The following ZNF131 variants were observed in gnomAD, a reference collection of about 807,000 sequenced individuals.
ZNF131 encodes the protein zinc finger protein 131.
Under a neutral mutation model 60.0 loss-of-function variants are expected in ZNF131, and 7 were observed. The ratio of observed to expected loss-of-function variants is 0.12; its 90% CI spans 0.07 to 0.22. ZNF131 has a LOEUF of 0.22. Among genes scored for constraint, ZNF131 ranks in the 10% least tolerant of loss-of-function variants. The pLI is 1.00. For synonymous variants in ZNF131, 257 were observed against 253.2 expected, an observed-to-expected ratio of 1.01 and a Z score of -0.14; for missense variants, 493 against 740.9, an observed-to-expected ratio of 0.67 and a Z score of 3.88.
chr5:43,156,763 G>A (rs1399230920), intron 4 of ZNF131, among the ~76,000 whole-genome samples: 2 of 152,140 alleles, frequency 1.3e-5, no homozygotes, highest in African/African-American at 2.4e-5. Context: ...TTGGCCAGGC[G>A]CAGTGGCTCA....
intron 4 of ZNF131, among the ~76,000 whole-genome samples, chr5:43,150,768 ACT>A (rs1375322006): frequency 3.3e-5 from 5 of 151,336 alleles, no homozygotes; most frequent in African/African-American, 7.3e-5. Context: ...CAAGAGTGAA[ACT>A]CTGTCCCAAA....
chr5:43,137,437 A>G (rs964330773), intron 3 of ZNF131, among the ~76,000 whole-genome samples: 13 of 152,212 alleles, frequency 8.5e-5, no homozygotes, highest in African/African-American at 3.1e-4. Context: ...TAAATGTGCT[A>G]AGAACTTGAA....
chr5:43,138,788 C>T (rs1034803204), intron 3 of ZNF131, among the ~76,000 whole-genome samples: 3 of 152,122 alleles, frequency 2.0e-5, no homozygotes, highest in Non-Finnish European at 4.4e-5. Flanking sequence ...GAAATAAAGT[C>T]AGAGAGGTAC....
intron 3 of ZNF131, among the ~76,000 whole-genome samples, chr5:43,137,190 A>G (rs1040655447): frequency 6.6e-6 from 1 of 152,226 alleles, no homozygotes; most frequent in African/African-American, 2.4e-5. Context: ...ACAGCCAACA[A>G]CAGAAAATAA....
At chr5:43,139,657 T>A (rs1328017625) in intron 4 of ZNF131, among the ~76,000 whole-genome samples, 1 of 152,204 alleles carries the variant, frequency 6.6e-6, no homozygotes, top group Non-Finnish European at 1.5e-5. Flanking sequence ...TTACAAAGAT[T>A]AACATAATAC....
rs1432390678 is a variant in ZNF131, at chr5:43,122,144, G to A, written c.91G>A (p.Asp31Asn). 1.9e-6 allele frequency: 3 copies of A among 1,614,034 alleles called. No homozygotes were observed. In the Admixed American group the frequency reaches 5.0e-5, roughly 27 times the overall value. Residue 31 changes from aspartate (D) to asparagine (N), a missense_variant, in exon 2 of 7, where the codon GAC becomes AAC. Coordinates refer to ENST00000682664, the MANE Select transcript of ZNF131 (RefSeq NM_001330707.2). ...CCGATTGAATGAACAGCGAGAGCAGGACCGGTTTACTGACATCACCCTAAT... is the reference window on the plus strand; with the variant it reads ...CCGATTGAATGAACAGCGAGAGCAGAACCGGTTTACTGACATCACCCTAAT... ...LDRLNEQREQ[D>N]RFTDITLIVD... is the part of the protein sequence containing the mutation.
intron 5 of ZNF131, among the ~76,000 whole-genome samples, chr5:43,169,973 G>A (rs1260689196): frequency 6.6e-6 from 1 of 151,950 alleles, no homozygotes; most frequent in Non-Finnish European, 1.5e-5. Flanking sequence ...TGTATTTTTA[G>A]TAGAGACGGG....
intron 5 of ZNF131, 113 bp from the exon 6 acceptor site, chr5:43,173,205 C>G: frequency 9.0e-7 from 1 of 1,114,040 alleles, no homozygotes; most frequent in East Asian, 2.6e-5. Context: ...TGTGATTTCT[C>G]CTTTTAGGAA....
intron 5 of ZNF131, among the ~76,000 whole-genome samples, chr5:43,170,605 C>G (rs1378261616): frequency 6.6e-6 from 1 of 151,436 alleles, no homozygotes; most frequent in African/African-American, 2.4e-5. Context: ...CAACCCCCAA[C>G]TTACCTGTAA....
chr5:43,144,246 T>C (rs1298806625), intron 4 of ZNF131, among the ~76,000 whole-genome samples: 39 of 104,184 alleles, frequency 3.7e-4, no homozygotes, highest in Middle Eastern at 4.5e-3. Context: ...TCTTTTTTTT[T>C]TTTTTTTTTT....
intron 6 of ZNF131, 132 bp from the exon 7 acceptor site, chr5:43,174,315 C>G (rs897330093): frequency 1.2e-6 from 1 of 821,574 alleles, no homozygotes; most frequent in Non-Finnish European, 1.8e-6. Context: ...GGACGAGATT[C>G]TATTGCAGGT....
At chr5:43,156,320 C>G (rs141375434) in intron 4 of ZNF131, among the ~76,000 whole-genome samples, 164 of 152,288 alleles carry the variant, frequency 1.1e-3, no homozygotes, top group African/African-American at 3.8e-3. Context: ...CTTGAGTCCT[C>G]CCATTCCTGA....
intron 4 of ZNF131, among the ~76,000 whole-genome samples, chr5:43,156,219 A>G (rs1009096799): frequency 1.4e-4 from 22 of 152,128 alleles, no homozygotes; most frequent in Non-Finnish European, 2.8e-4. Context: ...CCATGCCCAA[A>G]CCCCATCAGT....
In ZNF131 at chr5:43,169,368, G is replaced by C. The variant is rs545301963; in HGVS notation, c.1055-3950G>C. 1.1e-3 allele frequency among the ~76,000 whole-genome samples: 165 copies of C among 152,258 alleles called. 1 individual carries two copies. The highest frequency in any genetic ancestry group is 1.8e-3 in the Non-Finnish European group (122 of 68,014). On this transcript the variant is annotated intron_variant, in intron 5 of 6. Coordinates refer to ENST00000682664, the MANE Select transcript of ZNF131 (RefSeq NM_001330707.2). ...TTTTAAATAGGAAAAAGCTCAGATG[G>C]CACACAATGAAAATTGAGTCTCGTT...
At chr5:43,134,685 CT>C (rs1745804833) in intron 3 of ZNF131, among the ~76,000 whole-genome samples, 1 of 98,322 alleles carries the variant, frequency 1.0e-5, no homozygotes, top group Non-Finnish European at 2.1e-5. Flanking sequence ...AGTTGCTTTT[CT>C]TTTTTTCTTT....
chr5:43,150,762 A>G (rs1182336976), intron 4 of ZNF131, among the ~76,000 whole-genome samples: 3 of 152,186 alleles, frequency 2.0e-5, no homozygotes, highest in East Asian at 3.9e-4. Flanking sequence ...GGGCAACAAG[A>G]GTGAAACTCT....
At chr5:43,153,665 T>C (rs1748606468) in intron 4 of ZNF131, among the ~76,000 whole-genome samples, 1 of 151,724 alleles carries the variant, frequency 6.6e-6, no homozygotes, top group African/African-American at 2.4e-5. Flanking sequence ...CAAACAAAAA[T>C]TCAGGGCACA....
chr5:43,162,040 A>C, intron 5 of ZNF131, 109 bp downstream of exon 5: 3 of 1,043,986 alleles, frequency 2.9e-6, no homozygotes, highest in South Asian at 3.5e-5. Context: ...CTCATGTATT[A>C]TCTCTAATGT....
chr5:43,160,906 C>T (rs1749610341), intron 4 of ZNF131, among the ~76,000 whole-genome samples: 1 of 152,064 alleles, frequency 6.6e-6, no homozygotes, highest in Non-Finnish European at 1.5e-5. Context: ...GTCTCAAACT[C>T]CCAACCTCAG....
Sources: gnomAD v4.1 joint callset for allele counts (sites outside exome capture counted in the v4.1 genomes callset) on GRCh38, gnomAD v4.1.1 for gene constraint, MANE v1.5 for transcripts, NCBI Gene and HGNC (gene_info 2026-07-23, HGNC 2026-07-21) for gene names.